SNCAIP: variants seen among roughly 807,000 people sequenced by gnomAD.
SNCAIP encodes the protein synphilin-1.
In SNCAIP, 43 loss-of-function variants were observed where a neutral mutation model predicts 86.7. The observed-to-expected ratio is 0.50, with a 90% confidence interval of 0.39 to 0.64. SNCAIP has a LOEUF of 0.64. Among genes scored for constraint, SNCAIP ranks in the 30% least tolerant of loss-of-function variants. The pLI, the probability that SNCAIP is intolerant of heterozygous loss-of-function variation, is 0.00. For missense variants in SNCAIP, 981 were observed against 1,103.1 expected (o/e 0.89, Z 1.57); for synonymous variants, 417 against 427.2 (o/e 0.98, Z 0.29).
intron 1 of SNCAIP, among the ~76,000 whole-genome samples, chr5:122,349,096 G>A (rs146216026): frequency 0.011 from 1,664 of 152,210 alleles, 25 homozygotes; most frequent in African/African-American, 0.039. Context: ...CTGGAATAAA[G>A]CCACCACTCT....
chr5:122,431,346 C>T (rs1324939945), intron 5 of SNCAIP, among the ~76,000 whole-genome samples: 1 of 152,144 alleles, frequency 6.6e-6, no homozygotes, highest in Non-Finnish European at 1.5e-5. Context: ...AAACAATCCA[C>T]ATATCTATCA....
In SNCAIP at chr5:122,443,793, T is replaced by C. The variant is rs79569820; in HGVS notation, c.1423-770T>C. The C allele has an allele frequency of 1.2e-4, 49 of 398,948 alleles. No individual in the cohort carries two copies. In the East Asian group the frequency reaches 3.0e-3, roughly 24 times the overall value. The allele number at this position is 398,948 out of a possible 1,614,324, so 24.7% of individuals were successfully genotyped here. ...GCTGGCTGTGGTCACTGATGCCCTC[T>C]GTGCCAACCTTCAGATGCTGACTCT... On this transcript the variant is annotated intron_variant, in intron 7 of 10. Coordinates refer to ENST00000261368, the MANE Select transcript of SNCAIP (RefSeq NM_005460.4).
rs181210857 is a variant in SNCAIP at position 122,359,854 on chromosome 5, C to T, written c.-46-31235C>T. Reference sequence around the variant, plus strand: ...TAAAGCATAATATGTCTTCAAAAGCCGAATGATAGACAGCTAATGAATCTA... The same window carrying T: ...TAAAGCATAATATGTCTTCAAAAGCTGAATGATAGACAGCTAATGAATCTA... On this transcript the variant is annotated intron_variant, in intron 1 of 10. Coordinates refer to ENST00000261368, the MANE Select transcript of SNCAIP (RefSeq NM_005460.4). Among the ~76,000 whole-genome samples, 29 of 152,122 alleles carry T rather than the reference C, an allele frequency of 1.9e-4. No homozygotes were observed. The East Asian group carries it at 5.0e-3, about 26-fold the overall frequency.
chr5:122,456,262 G>A (rs1784728925), intron 10 of SNCAIP, among the ~76,000 whole-genome samples: 1 of 152,170 alleles, frequency 6.6e-6, no homozygotes, highest in South Asian at 2.1e-4. Context: ...AGCCACACTG[G>A]GAACTTCATA....
intron 1 of SNCAIP, among the ~76,000 whole-genome samples, chr5:122,326,954 GTA>G (rs1754228519): frequency 6.6e-6 from 1 of 151,450 alleles, no homozygotes; most frequent in African/African-American, 2.4e-5. Flanking sequence ...ATGTATGTAT[GTA>G]TGTATGTATG....
At chr5:122,367,652 T>C (rs1468277452) in intron 1 of SNCAIP, among the ~76,000 whole-genome samples, 1 of 152,136 alleles carries the variant, frequency 6.6e-6, no homozygotes, top group Non-Finnish European at 1.5e-5. Context: ...ACTGCACTTA[T>C]GCTGCAAAGA....
chr5:122,322,653 C>T (rs779906119), intron 1 of SNCAIP, among the ~76,000 whole-genome samples: 1 of 152,114 alleles, frequency 6.6e-6, no homozygotes, highest in Non-Finnish European at 1.5e-5. Context: ...TGAATGAAGT[C>T]TAGAAAATGT....
chr5:122,345,937 G>A (rs1561549691), intron 1 of SNCAIP, among the ~76,000 whole-genome samples: 1 of 152,034 alleles, frequency 6.6e-6, no homozygotes, highest in Non-Finnish European at 1.5e-5. Context: ...ACAGTTGTGA[G>A]CCACTGTGCC....
chr5:122,353,763 G>T (rs908221027), intron 1 of SNCAIP, among the ~76,000 whole-genome samples: 1 of 152,102 alleles, frequency 6.6e-6, no homozygotes, highest in East Asian at 1.9e-4. Context: ...TAGCCAAGTG[G>T]AACTGTAAGT....
intron 3 of SNCAIP, among the ~76,000 whole-genome samples, chr5:122,408,782 G>A (rs1773533988): frequency 6.6e-6 from 1 of 152,204 alleles, no homozygotes; most frequent in Non-Finnish European, 1.5e-5. Flanking sequence ...AGGTTTCTGA[G>A]TTGTTTCATA....
At chr5:122,364,194 A>G (rs796424322) in intron 1 of SNCAIP, among the ~76,000 whole-genome samples, 17 of 152,308 alleles carry the variant, frequency 1.1e-4, no homozygotes, top group African/African-American at 4.1e-4. Context: ...GTTACCCTAT[A>G]TAGTCTGAAA....
chr5:122,454,083 A>G (rs527342355), intron 10 of SNCAIP, among the ~76,000 whole-genome samples: 5 of 152,190 alleles, frequency 3.3e-5, no homozygotes, highest in Non-Finnish European at 7.3e-5. Flanking sequence ...CTTTTTAAAT[A>G]TTTAAACGAA....
chr5:122,442,649 A>G (rs1781312982), intron 7 of SNCAIP, among the ~76,000 whole-genome samples: 1 of 152,262 alleles, frequency 6.6e-6, no homozygotes. Context: ...TTTTCTATTT[A>G]ACAAAACACT....
At chr5:122,377,185 T>G (rs1021244213) in intron 1 of SNCAIP, among the ~76,000 whole-genome samples, 5 of 152,132 alleles carry the variant, frequency 3.3e-5, no homozygotes, top group African/African-American at 1.2e-4. Context: ...AGTTAGAAAT[T>G]TCCTTAGCTG....
intron 10 of SNCAIP, among the ~76,000 whole-genome samples, chr5:122,462,024 C>T (rs1283616273): frequency 1.3e-5 from 2 of 152,174 alleles, no homozygotes; most frequent in African/African-American, 4.8e-5. Context: ...AATACAAATG[C>T]GTATCTTTAT....
intron 8 of SNCAIP, among the ~76,000 whole-genome samples, chr5:122,447,367 C>T (rs545109808): frequency 4.5e-4 from 69 of 152,262 alleles, no homozygotes; most frequent in Non-Finnish European, 8.4e-4. Flanking sequence ...GGCCATCTGC[C>T]CATATATTTT....
chr5:122,457,361 C>T (rs1785010653), intron 10 of SNCAIP, among the ~76,000 whole-genome samples: 1 of 152,136 alleles, frequency 6.6e-6, no homozygotes, highest in African/African-American at 2.4e-5. Flanking sequence ...CCTTTCTAAC[C>T]TGCTGGCATC....
intron 10 of SNCAIP, among the ~76,000 whole-genome samples, chr5:122,452,688 G>C (rs994710540): frequency 6.6e-6 from 1 of 152,112 alleles, no homozygotes; most frequent in Non-Finnish European, 1.5e-5. Context: ...CAGACCTTTT[G>C]GGTTAAATGT....
At chr5:122,428,515 G>T (rs1646638607) in intron 5 of SNCAIP, among the ~76,000 whole-genome samples, 1 of 150,976 alleles carries the variant, frequency 6.6e-6, no homozygotes, top group African/African-American at 2.4e-5. Context: ...AAGTACACAT[G>T]AAACATTCTC....
Sources: gnomAD v4.1 joint callset for allele counts (sites outside exome capture counted in the v4.1 genomes callset) on GRCh38, gnomAD v4.1.1 for gene constraint, MANE v1.5 for transcripts, NCBI Gene and HGNC (gene_info 2026-07-23, HGNC 2026-07-21) for gene names.